ADAMTS5: variants seen among roughly 807,000 people sequenced by gnomAD.
ADAMTS5 encodes the protein ADAM metallopeptidase with thrombospondin type 1 motif 5.
ADAMTS5 carries 54 observed loss-of-function variants against 81.4 expected under a neutral mutation model. The observed-to-expected ratio is 0.66, with a 90% CI of 0.53 to 0.83. The LOEUF (loss-of-function observed/expected upper bound fraction) is 0.83, where lower values mean the gene tolerates loss of function less well. ADAMTS5 is among the 40% of genes least tolerant of loss of function. The pLI, the probability that ADAMTS5 is intolerant of heterozygous loss-of-function variation, is 0.00. For synonymous variants in ADAMTS5, 532 were observed against 508.8 expected (o/e 1.05, Z -0.61); for missense variants, 1,194 against 1,229.9 (o/e 0.97, Z 0.44).
intron 7 of ADAMTS5, among the ~76,000 whole-genome samples, chr21:26,924,880 A>G (rs905533193): frequency 1.3e-5 from 2 of 152,322 alleles, no homozygotes; most frequent in South Asian, 4.1e-4. Flanking sequence ...GCCTTCATTT[A>G]AAACATTTAT....
rs1004446531 is a variant in ADAMTS5, at chr21:26,917,941, A to G, written c.*6112T>C. ...TTAACCTAGTTTACAATTTATATTT[A>G]TTATGCCCACTGAACCCACAAAAGC... On this transcript the variant is annotated 3_prime_UTR_variant, in exon 8 of 8. Transcript: ENST00000284987. 6.6e-6 allele frequency: 1 copy of G among 152,016 alleles called. No homozygotes were observed. Among genetic ancestry groups the G allele is most frequent in the African/African-American group, 2.4e-5 (1 of 41,442 alleles). 9.4% of individuals were successfully genotyped at this position (152,016 alleles called of 1,614,324 possible). A position where few individuals can be genotyped will look rare whatever the true frequency, so the allele number is the denominator to read the frequency against.
intron 5 of ADAMTS5, 31 bp downstream of exon 5, chr21:26,932,830 T>C (rs752797675): frequency 1.3e-6 from 2 of 1,579,402 alleles, no homozygotes; most frequent in Admixed American, 1.9e-5. Flanking sequence ...ATGTAGCATA[T>C]GATGGTTGCT....
rs1647805146 is a variant in ADAMTS5 at position 26,920,132 on chromosome 21, C to T, written c.*3921G>A. On this transcript the variant is annotated 3_prime_UTR_variant, in exon 8 of 8. Transcript: ENST00000284987. ...TCAATGTTATTTGACAGTGTGAACT[C>T]TATGTAACAGCACAAATTCTGGACT... is the stretch of plus-strand genomic sequence containing the variant. 6.6e-6 allele frequency: 1 copy of T among 152,146 alleles called. No individual in the cohort carries two copies. Among genetic ancestry groups the T allele is most frequent in the African/African-American group, 2.4e-5 (1 of 41,446 alleles). The allele number at this position is 152,146 out of a possible 1,614,324, so 9.4% of individuals were successfully genotyped here. A position where few individuals can be genotyped will look rare whatever the true frequency, so the allele number is the denominator to read the frequency against.
intron 1 of ADAMTS5, 54 bp from the exon 2 acceptor site, chr21:26,954,925 C>A: frequency 6.3e-7 from 1 of 1,599,430 alleles, no homozygotes; most frequent in South Asian, 1.1e-5. Flanking sequence ...CAGAAGGAGC[C>A]GCCACATAGA....
chr21:26,962,362 A>G (rs867687126), intron 1 of ADAMTS5, among the ~76,000 whole-genome samples: 1 of 152,232 alleles, frequency 6.6e-6, no homozygotes, highest in African/African-American at 2.4e-5. Flanking sequence ...TGTGAATTCC[A>G]GCATTAGTGC....
At chr21:26,935,697 C>A (rs1479001649) in intron 3 of ADAMTS5, among the ~76,000 whole-genome samples, 1 of 152,056 alleles carries the variant, frequency 6.6e-6, no homozygotes, top group African/African-American at 2.4e-5. Context: ...CGATGAGAAT[C>A]CAAAACCTTA....
chr21:26,921,354 G>C lies in ADAMTS5; in HGVS notation c.*2699C>G, dbSNP rs557699709. On this transcript the variant is annotated 3_prime_UTR_variant, in exon 8 of 8. Coordinates refer to ENST00000284987, the MANE Select transcript of ADAMTS5 (RefSeq NM_007038.5). Reference sequence around the variant, plus strand: ...GAAGAAATAAATGTCATTTTTTCTGGCTCCCTTTGTACTTAATAAAACTTA... The same window carrying C: ...GAAGAAATAAATGTCATTTTTTCTGCCTCCCTTTGTACTTAATAAAACTTA... 6.6e-6 allele frequency: 1 copy of C among 151,470 alleles called. No homozygotes were observed. Among genetic ancestry groups the C allele is most frequent in the African/African-American group, 2.4e-5 (1 of 41,316 alleles). The allele number at this position is 151,470 out of a possible 1,614,324, so 9.4% of individuals were successfully genotyped here.
At chr21:26,945,392 T>G (rs1273796508) in intron 2 of ADAMTS5, among the ~76,000 whole-genome samples, 1 of 152,208 alleles carries the variant, frequency 6.6e-6, no homozygotes, top group Non-Finnish European at 1.5e-5. Flanking sequence ...TCCAGGTTTT[T>G]ACTTAAAAAA....
chr21:26,964,384 G>T (rs571953487), intron 1 of ADAMTS5, among the ~76,000 whole-genome samples: 1 of 152,174 alleles, frequency 6.6e-6, no homozygotes, highest in Non-Finnish European at 1.5e-5. Context: ...GAGCCTTAAA[G>T]ATCCATTTCT....
rs753535346 is a variant in ADAMTS5, at chr21:26,924,039, A to G, written c.*14T>C. ...TCCTCCAGTTATCTTTGTGCATAAG[A>G]TCATAACCACAGGCTAACATTTCTT... On this transcript the variant is annotated 3_prime_UTR_variant, in exon 8 of 8. Transcript: ENST00000284987. 4.4e-6 allele frequency: 7 copies of G among 1,577,890 alleles called. No homozygotes were observed. The highest frequency in any genetic ancestry group is 1.2e-5 in the South Asian group (1 of 86,418).
intron 7 of ADAMTS5, among the ~76,000 whole-genome samples, chr21:26,927,188 G>T (rs1986820249): frequency 6.6e-6 from 1 of 152,152 alleles, no homozygotes; most frequent in African/African-American, 2.4e-5. Flanking sequence ...AGGGCTATCT[G>T]CACAGTGCCA....
In ADAMTS5 at chr21:26,952,630, T is replaced by G. The variant is rs1412329857; in HGVS notation, c.1237+2109A>C. 2.0e-5 allele frequency among the ~76,000 whole-genome samples: 3 copies of G among 152,342 alleles called. No individual in the cohort carries two copies. The East Asian group carries it at 5.8e-4, about 29-fold the overall frequency. ...ACCAATCACTAGAAAGGAAAGAAACTGCCCTTCCTTTAAGGAATGTGGAAT... is the reference window on the plus strand; with the variant it reads ...ACCAATCACTAGAAAGGAAAGAAACGGCCCTTCCTTTAAGGAATGTGGAAT... On this transcript the variant is annotated intron_variant, in intron 2 of 7. Transcript: ENST00000284987.
rs931215566 is a variant in ADAMTS5, at chr21:26,923,190, G to A, written c.*863C>T. The A allele has an allele frequency of 6.6e-6, 1 of 151,976 alleles. No individual in the cohort carries two copies. Among genetic ancestry groups the A allele is most frequent in the Non-Finnish European group, 1.5e-5 (1 of 67,964 alleles). The allele number at this position is 151,976 out of a possible 1,614,324, so 9.4% of individuals were successfully genotyped here. On this transcript the variant is annotated 3_prime_UTR_variant, in exon 8 of 8. Coordinates refer to ENST00000284987, the MANE Select transcript of ADAMTS5 (RefSeq NM_007038.5). ...ATAAATTGAAAACACAGTGAAATAC[G>A]ATTTTTTTCCTTTTAAATTTCCAAC... is the stretch of plus-strand genomic sequence containing the variant.
chr21:26,963,017 T>C (rs1987559729), intron 1 of ADAMTS5, among the ~76,000 whole-genome samples: 1 of 152,104 alleles, frequency 6.6e-6, no homozygotes, highest in Non-Finnish European at 1.5e-5. Context: ...AAAATACACA[T>C]GCATTTCAAA....
Position 26,924,634 on chromosome 21 carries a change from T to C in ADAMTS5, c.2226-14A>G. 1 of 1,581,734 alleles carries C rather than the reference T, an allele frequency of 6.3e-7. No individual in the cohort carries two copies. Among genetic ancestry groups the C allele is most frequent in the South Asian group, 1.1e-5 (1 of 87,016 alleles). On this transcript the variant is annotated splice_polypyrimidine_tract_variant and intron_variant, in intron 7 of 7. Coordinates refer to ENST00000284987, the MANE Select transcript of ADAMTS5 (RefSeq NM_007038.5). ...GTGTAACCCTTACTGGAAGTAGGAA[T>C]GTTCACAGGAAGTGGGGGAAGGTGG...
Position 26,965,528 on chromosome 21 carries a change from C to T in ADAMTS5, c.864G>A (p.Gln288=), listed in dbSNP as rs1456123647. Reference sequence around the variant, plus strand: ...TGGAGGCCAGGGTCAGCAGGTAATGCTGCAGGCCCCGGCCATACAACCGCG... The same window carrying T: ...TGGAGGCCAGGGTCAGCAGGTAATGTTGCAGGCCCCGGCCATACAACCGCG... ...SMARLYGRGL[Q]HYLLTLASIA... Residue 288 remains glutamine, a synonymous_variant, in exon 1 of 8, where the codon CAG becomes CAA. Coordinates refer to ENST00000284987, the MANE Select transcript of ADAMTS5 (RefSeq NM_007038.5). 6.2e-7 allele frequency: 1 copy of T among 1,613,896 alleles called. No homozygotes were observed. Among genetic ancestry groups the T allele is most frequent in the South Asian group, 1.1e-5 (1 of 91,088 alleles).
chr21:26,959,278 A>G lies in ADAMTS5; in HGVS notation c.1105-4407T>C, dbSNP rs80122199. ...GTGTAAATCATTTACATGCTTTGAG[A>G]CAAAGTTCCCTCATCATTAACATCA... On this transcript the variant is annotated intron_variant, in intron 1 of 7. Transcript: ENST00000284987. Among the ~76,000 whole-genome samples, 354 of 152,296 alleles carry G rather than the reference A, an allele frequency of 2.3e-3. 2 individuals carry two copies. The highest frequency in any genetic ancestry group is 7.2e-3 in the African/African-American group (299 of 41,564).
chr21:26,923,984 C>G lies in ADAMTS5; in HGVS notation c.*69G>C. 6.8e-7 allele frequency: 1 copy of G among 1,468,392 alleles called. No individual in the cohort carries two copies. The highest frequency in any genetic ancestry group is 2.1e-5 in the Admixed American group (1 of 46,794). 91.0% of individuals were successfully genotyped at this position (1,468,392 alleles called of 1,614,324 possible). ...GACTTTCTGTGCGTTAGGTAGACCT[C>G]CTGTTCACCACGACTGCATCAGTGC... On this transcript the variant is annotated 3_prime_UTR_variant, in exon 8 of 8. Transcript: ENST00000284987.
At chr21:26,927,648 G>A (rs1184373196) in intron 7 of ADAMTS5, among the ~76,000 whole-genome samples, 2 of 152,124 alleles carry the variant, frequency 1.3e-5, no homozygotes, top group Non-Finnish European at 2.9e-5. Context: ...CTTGGGTATT[G>A]AGTCTAAGTA....
Sources: allele counts gnomAD v4.1 joint callset (sites outside exome capture counted in the v4.1 genomes callset), GRCh38; gene constraint gnomAD v4.1.1; transcripts MANE v1.5; gene names NCBI Gene and HGNC (gene_info 2026-07-23, HGNC 2026-07-21).